The following ARMC8 variants were observed in gnomAD, a reference collection of about 807,000 sequenced individuals.
ARMC8 encodes armadillo repeat-containing protein 8.
In ARMC8, 20 loss-of-function variants were observed where a neutral mutation model predicts 99.3. That is an observed-to-expected ratio of 0.20 (90% CI 0.14 to 0.29). ARMC8 has a LOEUF of 0.29. ARMC8 is among the 10% of genes least tolerant of loss of function. The pLI is 1.00. For missense variants in ARMC8, 569 were observed against 809.5 expected (o/e 0.70, Z 3.60); for synonymous variants, 263 against 278.3 (o/e 0.95, Z 0.55).
intron 12 of ARMC8, among the ~76,000 whole-genome samples, chr3:138,254,403 GA>G (rs1357113296): frequency 1.1e-4 from 16 of 152,198 alleles, no homozygotes; most frequent in Non-Finnish European, 2.9e-5. Flanking sequence ...TAAAAACTGT[GA>G]GGGTGCATGC....
chr3:138,204,675 C>T (rs540557685), intron 1 of ARMC8, among the ~76,000 whole-genome samples: 1 of 152,186 alleles, frequency 6.6e-6, no homozygotes, highest in Non-Finnish European at 1.5e-5. Flanking sequence ...AGCTACACAT[C>T]ACTAGGATTT....
chr3:138,290,434 A>G (rs749605330), intron 20 of ARMC8, 112 bp from the exon 21 acceptor site: 142 of 747,084 alleles, frequency 1.9e-4, no homozygotes, highest in Non-Finnish European at 4.7e-5. Flanking sequence ...GACAAGGGGT[A>G]CAGGAGGAGT....
At chr3:138,228,876 C>T (rs776789812) in intron 5 of ARMC8, 42 bp from the exon 6 acceptor site, 2 of 1,188,156 alleles carry the variant, frequency 1.7e-6, no homozygotes, top group Non-Finnish European at 2.5e-6. Context: ...CAAATGTACT[C>T]ATGGTGCCTG....
intron 1 of ARMC8, among the ~76,000 whole-genome samples, chr3:138,208,773 T>TA (rs1467147234): frequency 2.0e-5 from 3 of 152,140 alleles, no homozygotes; most frequent in Non-Finnish European, 4.4e-5. Context: ...TTTTAAATAA[T>TA]ATGAAGCATC....
intron 5 of ARMC8, among the ~76,000 whole-genome samples, chr3:138,226,640 A>G (rs1417839052): frequency 1.3e-5 from 2 of 152,214 alleles, no homozygotes; most frequent in Non-Finnish European, 2.9e-5. Flanking sequence ...TAATGTTTGC[A>G]AAGAGAGTAA....
chr3:138,246,694 T>C, intron 12 of ARMC8: 2 of 983,394 alleles, frequency 2.0e-6, no homozygotes, highest in East Asian at 1.1e-4. Flanking sequence ...TTTGTACTTT[T>C]TTGTTAATAA....
chr3:138,239,334 G>T, intron 9 of ARMC8, 134 bp from the exon 10 acceptor site: 1 of 609,370 alleles, frequency 1.6e-6, no homozygotes, highest in Non-Finnish European at 2.8e-6. Context: ...AAAGCGAATT[G>T]TCAAAATCTT....
rs758678734 is a variant in ARMC8, at chr3:138,237,405, G to A, written c.685+21G>A. On this transcript the variant is annotated intron_variant, in intron 8 of 21. Coordinates refer to ENST00000469044, the MANE Select transcript of ARMC8 (RefSeq NM_001363941.2). ...AAATGGTAGGCTGGAGCTTTCAGTG[G>A]CACCTACATGATTTAATTGATGAAC... The A allele has an allele frequency of 3.1e-6, 5 of 1,611,000 alleles. No homozygotes were observed. The African/African-American group carries it at 5.4e-5, about 17-fold the overall frequency.
At chr3:138,276,644 A>T (rs1213915948) in intron 18 of ARMC8, among the ~76,000 whole-genome samples, 1 of 152,162 alleles carries the variant, frequency 6.6e-6, no homozygotes, top group Non-Finnish European at 1.5e-5. Flanking sequence ...ACAATTGGAT[A>T]TTGAGATATT....
chr3:138,245,537 T>C (rs1050440716), intron 12 of ARMC8: 5 of 1,131,954 alleles, frequency 4.4e-6, no homozygotes, highest in Non-Finnish European at 5.4e-6. Context: ...GAATTGTAAA[T>C]GTTATTTATG....
At chr3:138,237,165 A>G (rs1180989872) in intron 7 of ARMC8, 144 bp from the exon 8 acceptor site, 1 of 683,882 alleles carries the variant, frequency 1.5e-6, no homozygotes, top group Non-Finnish European at 2.5e-6. Context: ...CTGCAGCTGT[A>G]CAGGTGTTAT....
intron 19 of ARMC8, among the ~76,000 whole-genome samples, chr3:138,286,994 C>G (rs1455579807): frequency 2.0e-5 from 3 of 152,170 alleles, no homozygotes; most frequent in African/African-American, 7.2e-5. Flanking sequence ...CAAAACTGAT[C>G]TTGAATCCAA....
At chr3:138,290,510 G>A in intron 20 of ARMC8, 36 bp from the exon 21 acceptor site, 2 of 1,472,256 alleles carry the variant, frequency 1.4e-6, no homozygotes, top group East Asian at 2.4e-5. Context: ...CATTTGCCTG[G>A]GTCATGTTCC....
At chr3:138,261,825 A>G (rs997628915) in intron 12 of ARMC8, 1 of 152,244 alleles carries the variant, frequency 6.6e-6, no homozygotes, top group Non-Finnish European at 1.5e-5. Flanking sequence ...AAACAGCAAA[A>G]GCATGGAGAC....
chr3:138,218,319 T>C (rs564280047), intron 2 of ARMC8, among the ~76,000 whole-genome samples: 1 of 152,324 alleles, frequency 6.6e-6, no homozygotes, highest in South Asian at 2.1e-4. Flanking sequence ...CACTGCTTCC[T>C]TCATGCCCCT....
At chr3:138,188,842 A>C (rs1416188454) in intron 1 of ARMC8, among the ~76,000 whole-genome samples, 1 of 152,202 alleles carries the variant, frequency 6.6e-6, no homozygotes, top group Non-Finnish European at 1.5e-5. Context: ...GAGGCTGTCA[A>C]CAGATTTTTC....
chr3:138,268,088 C>A (rs1407730134), intron 15 of ARMC8, among the ~76,000 whole-genome samples: 15 of 152,000 alleles, frequency 9.9e-5, no homozygotes, highest in Non-Finnish European at 2.2e-4. Context: ...GCTAAAAGTA[C>A]AAAAATTAGC....
chr3:138,279,602 G>T (rs2049672819), intron 18 of ARMC8, among the ~76,000 whole-genome samples: 1 of 152,134 alleles, frequency 6.6e-6, no homozygotes, highest in Non-Finnish European at 1.5e-5. Flanking sequence ...GCAAAAATTT[G>T]TGAAGAATTA....
At chr3:138,293,106 C>T (rs1245724018) in intron 21 of ARMC8, among the ~76,000 whole-genome samples, 1 of 152,182 alleles carries the variant, frequency 6.6e-6, no homozygotes, top group Admixed American at 6.5e-5. Flanking sequence ...CACACTGTGT[C>T]TTGGCTGTCA....
Sources: gnomAD v4.1 joint callset for allele counts (sites outside exome capture counted in the v4.1 genomes callset) on GRCh38, gnomAD v4.1.1 for gene constraint, MANE v1.5 for transcripts, NCBI Gene and HGNC (gene_info 2026-07-23, HGNC 2026-07-21) for gene names.